Variants in GMDS observed in about 807,000 individuals in gnomAD.
GMDS encodes GDP-mannose 4,6 dehydratase.
GMDS carries 20 observed loss-of-function variants against 49.9 expected under a neutral mutation model. The observed-to-expected ratio is 0.40, with a 90% CI of 0.28 to 0.58. The LOEUF is 0.58. Ranked by LOEUF, GMDS falls within the 20% of genes least tolerant of loss-of-function variation. The pLI, the probability that GMDS is intolerant of heterozygous loss-of-function variation, is 0.42. For synonymous variants in GMDS, 177 were observed against 178.6 expected, an observed-to-expected ratio of 0.99 and a Z score of 0.07; for missense variants, 362 against 481.4, an observed-to-expected ratio of 0.75 and a Z score of 2.32.
intron 1 of GMDS, among the ~76,000 whole-genome samples, chr6:2,132,658 C>A (rs1775798381): frequency 6.6e-6 from 1 of 152,204 alleles, no homozygotes. Context: ...CTGACCTCTT[C>A]TATACTGGAT....
chr6:2,014,123 C>A (rs944071804), intron 4 of GMDS, among the ~76,000 whole-genome samples: 3 of 135,392 alleles, frequency 2.2e-5, no homozygotes, highest in South Asian at 2.5e-4. Context: ...TCCCCCCCCC[C>A]CAAAAAAATA....
chr6:1,921,567 T>C (rs1761717089), intron 7 of GMDS, among the ~76,000 whole-genome samples: 1 of 152,250 alleles, frequency 6.6e-6, no homozygotes, highest in Admixed American at 6.5e-5. Context: ...AATGGCAAGC[T>C]GAATTTGTTA....
At chr6:2,222,235 A>T (rs1397473708) in intron 1 of GMDS, among the ~76,000 whole-genome samples, 1 of 152,180 alleles carries the variant, frequency 6.6e-6, no homozygotes. Context: ...GGAGCTTCTC[A>T]GAGGTTTACT....
intron 1 of GMDS, among the ~76,000 whole-genome samples, chr6:2,233,751 G>A (rs73420780): frequency 0.038 from 5,826 of 152,236 alleles, 386 homozygotes; most frequent in African/African-American, 0.13. Context: ...TCCCGGTGGG[G>A]GGCGCCGAAG....
intron 4 of GMDS, among the ~76,000 whole-genome samples, chr6:2,083,708 C>T (rs1302076260): frequency 6.6e-6 from 1 of 152,200 alleles, no homozygotes; most frequent in African/African-American, 2.4e-5. Flanking sequence ...TTCTCACAAA[C>T]CTTCATGCAA....
chr6:1,834,413 AC>A (rs1434678357), intron 7 of GMDS, among the ~76,000 whole-genome samples: 2 of 152,188 alleles, frequency 1.3e-5, no homozygotes, highest in African/African-American at 4.8e-5. Flanking sequence ...GCACCATGAT[AC>A]ATCATCTGTC....
intron 1 of GMDS, among the ~76,000 whole-genome samples, chr6:2,237,770 C>T (rs981718883): frequency 3.3e-5 from 5 of 152,084 alleles, no homozygotes; most frequent in African/African-American, 1.2e-4. Context: ...GATCTACCCA[C>T]CTTGGCCTCC....
chr6:2,028,080 C>A (rs1768713863), intron 4 of GMDS, among the ~76,000 whole-genome samples: 1 of 152,184 alleles, frequency 6.6e-6, no homozygotes. Flanking sequence ...GCTTGTAAAA[C>A]AATATCTTAC....
chr6:2,169,621 C>CAAA (rs556634869), intron 1 of GMDS, among the ~76,000 whole-genome samples: 43 of 73,698 alleles, frequency 5.8e-4, no homozygotes, highest in South Asian at 5.6e-3. Flanking sequence ...CACCAGGCAG[C>CAAA]AAAAAAAAAA....
At chr6:1,880,695 A>G (rs986863699) in intron 7 of GMDS, among the ~76,000 whole-genome samples, 3 of 152,210 alleles carry the variant, frequency 2.0e-5, no homozygotes, top group Admixed American at 6.5e-5. Flanking sequence ...GCAGACGAGC[A>G]ATATAGTTGA....
chr6:1,656,040 C>T (rs1169891603), intron 9 of GMDS, among the ~76,000 whole-genome samples: 3 of 152,162 alleles, frequency 2.0e-5, no homozygotes, highest in Non-Finnish European at 2.9e-5. Context: ...ACAGAGAGTG[C>T]GTGGTGGAGC....
intron 1 of GMDS, among the ~76,000 whole-genome samples, chr6:2,170,925 G>A (rs549941859): frequency 6.6e-6 from 1 of 151,910 alleles, no homozygotes; most frequent in South Asian, 2.1e-4. Context: ...AACCCAGGAG[G>A]CAGAGCTTGT....
chr6:1,997,380 C>T (rs552923379), intron 4 of GMDS, among the ~76,000 whole-genome samples: 54 of 151,810 alleles, frequency 3.6e-4, no homozygotes, highest in Non-Finnish European at 5.4e-4. Flanking sequence ...TGGTGGCACA[C>T]GCCTGTAGTC....
intron 7 of GMDS, among the ~76,000 whole-genome samples, chr6:1,821,878 A>G (rs1359771747): frequency 6.6e-6 from 1 of 151,976 alleles, no homozygotes; most frequent in African/African-American, 2.4e-5. Context: ...CTGCATGCAC[A>G]TCTGTTTCCA....
At chr6:2,202,620 G>A (rs1268403969) in intron 1 of GMDS, among the ~76,000 whole-genome samples, 12 of 152,068 alleles carry the variant, frequency 7.9e-5, no homozygotes, top group African/African-American at 2.7e-4. Flanking sequence ...GAACAGTCAC[G>A]GTAGCTCATA....
At chr6:2,041,961 C>T (rs556813187) in intron 4 of GMDS, among the ~76,000 whole-genome samples, 1 of 152,262 alleles carries the variant, frequency 6.6e-6, no homozygotes, top group Non-Finnish European at 1.5e-5. Context: ...TGCACATGGA[C>T]TGTGTAATAT....
chr6:1,996,596 T>C (rs112934634), intron 4 of GMDS, among the ~76,000 whole-genome samples: 208 of 152,288 alleles, frequency 1.4e-3, no homozygotes, highest in Non-Finnish European at 2.4e-3. Context: ...TTCTCCACTC[T>C]CTGCATCATA....
chr6:2,071,783 A>G (rs993089044), intron 4 of GMDS, among the ~76,000 whole-genome samples: 1 of 152,162 alleles, frequency 6.6e-6, no homozygotes, highest in East Asian at 1.9e-4. Flanking sequence ...GATAGCAAAA[A>G]GGCAAATGAT....
At chr6:1,752,322 G>A (rs1767767373) in intron 7 of GMDS, among the ~76,000 whole-genome samples, 1 of 152,114 alleles carries the variant, frequency 6.6e-6, no homozygotes, top group Non-Finnish European at 1.5e-5. Flanking sequence ...AAAGCATGAA[G>A]ACAAGATTAG....
Sources: allele counts gnomAD v4.1 joint callset (sites outside exome capture counted in the v4.1 genomes callset), GRCh38; gene constraint gnomAD v4.1.1; transcripts MANE v1.5; gene names NCBI Gene and HGNC (gene_info 2026-07-23, HGNC 2026-07-21).